Variants in CDH20 observed in about 807,000 individuals in gnomAD.
The protein encoded by CDH20 is cadherin 20.
Under a neutral mutation model 74.2 loss-of-function variants are expected in CDH20, and 29 were observed. The observed-to-expected ratio is 0.39, with a 90% CI of 0.29 to 0.53. The LOEUF (loss-of-function observed/expected upper bound fraction) is 0.53, where lower values mean the gene tolerates loss of function less well. Among genes scored for constraint, CDH20 ranks in the 20% least tolerant of loss-of-function variants. CDH20 has a pLI of 0.69. For synonymous variants in CDH20, 469 were observed against 405.4 expected (o/e 1.16, Z -1.88); for missense variants, 988 against 1,048.3 (o/e 0.94, Z 0.79).
In CDH20 at chr18:61,528,176, G is replaced by A. The variant is rs1270390698; in HGVS notation, c.1227G>A (p.Gln409=). 2 of 1,614,064 alleles carry A rather than the reference G, an allele frequency of 1.2e-6. No homozygotes were observed. The highest frequency in any genetic ancestry group is 1.1e-5 in the South Asian group (1 of 91,078). The change falls in exon 7 of 12, where the codon CAG becomes CAA. Residue 409 remains glutamine, a synonymous_variant. Transcript: ENST00000262717. ...PEDVAIGTTI[Q]IISAKDPDVT... ...ATGTGGCGATTGGAACAACCATACAGATCATTTCTGCCAAGGACCCAGATG... is the reference window on the plus strand; with the variant it reads ...ATGTGGCGATTGGAACAACCATACAAATCATTTCTGCCAAGGACCCAGATG...
Position 61,468,000 on chromosome 18 carries a change from CA to C in CDH20, c.-152-22399del, listed in dbSNP as rs376295600. Among the ~76,000 whole-genome samples the C allele has an allele frequency of 1.3e-3, 203 of 152,230 alleles. 1 individual carries two copies. Among genetic ancestry groups the C allele is most frequent in the African/African-American group, 4.6e-3 (193 of 41,530 alleles). On this transcript the variant is annotated intron_variant, in intron 1 of 11. Transcript: ENST00000262717. ...TTTTACAGGTGTGGACTCGGATGCACAAAGAGGTTAAGTACTTGCCCAAGTT... is the reference window on the plus strand; with the variant it reads ...TTTTACAGGTGTGGACTCGGATGCACAAGAGGTTAAGTACTTGCCCAAGTT...
At chr18:61,437,031 A>C (rs1342750587) in intron 1 of CDH20, among the ~76,000 whole-genome samples, 1 of 152,160 alleles carries the variant, frequency 6.6e-6, no homozygotes, top group Non-Finnish European at 1.5e-5. Context: ...CTATTCCTGG[A>C]ACATAGTAGG....
At chr18:61,355,204 C>T (rs190067889) in intron 1 of CDH20, among the ~76,000 whole-genome samples, 34 of 152,284 alleles carry the variant, frequency 2.2e-4, no homozygotes, top group African/African-American at 7.9e-4. Flanking sequence ...AAATATTTTG[C>T]TTAAGTTCAA....
intron 6 of CDH20, among the ~76,000 whole-genome samples, chr18:61,519,931 A>C (rs2144355646): frequency 7.8e-6 from 1 of 128,864 alleles, no homozygotes; most frequent in South Asian, 2.7e-4. Flanking sequence ...AGGAATATTT[A>C]CCAAGCAAAT....
At chr18:61,365,046 G>A (rs971901850) in intron 1 of CDH20, among the ~76,000 whole-genome samples, 8 of 152,098 alleles carry the variant, frequency 5.3e-5, no homozygotes, top group Non-Finnish European at 1.0e-4. Context: ...TACTTCCAAG[G>A]CATTTAACTC....
At chr18:61,498,245 TA>T in intron 2 of CDH20, among the ~76,000 whole-genome samples, 1 of 151,888 alleles carries the variant, frequency 6.6e-6, no homozygotes, top group East Asian at 1.9e-4. Context: ...ACTAAAAATA[TA>T]AAAACTAGCC....
intron 1 of CDH20, among the ~76,000 whole-genome samples, chr18:61,339,804 C>T (rs1321319464): frequency 6.7e-6 from 1 of 150,074 alleles, no homozygotes; most frequent in African/African-American, 2.4e-5. Context: ...TCTCCTGCCT[C>T]AGCCTCCCAA....
intron 9 of CDH20, among the ~76,000 whole-genome samples, chr18:61,542,777 G>A (rs1349446884): frequency 6.6e-6 from 1 of 152,182 alleles, no homozygotes; most frequent in Non-Finnish European, 1.5e-5. Context: ...CATGCATGGA[G>A]GAAGGGGGAA....
chr18:61,414,914 A>C (rs967507948), intron 1 of CDH20, among the ~76,000 whole-genome samples: 1 of 152,094 alleles, frequency 6.6e-6, no homozygotes, highest in African/African-American at 2.4e-5. Flanking sequence ...AAACATCACC[A>C]CCATCCATCT....
intron 1 of CDH20, among the ~76,000 whole-genome samples, chr18:61,421,571 C>G (rs80108664): frequency 0.027 from 4,056 of 152,178 alleles, 75 homozygotes; most frequent in Middle Eastern, 0.082. Flanking sequence ...ACCTGGTGTT[C>G]AATTGATCAG....
chr18:61,418,761 C>CA (rs1912782989), intron 1 of CDH20, among the ~76,000 whole-genome samples: 2 of 152,030 alleles, frequency 1.3e-5, no homozygotes, highest in Middle Eastern at 3.4e-3. Flanking sequence ...CATTTTTATG[C>CA]AAAAAATACA....
chr18:61,507,231 G>A (rs1467876169), intron 5 of CDH20, 142 bp from the exon 6 acceptor site: 6 of 729,436 alleles, frequency 8.2e-6, no homozygotes, highest in Non-Finnish European at 1.1e-5. Flanking sequence ...CTGGACCTTA[G>A]TTTTTATCTG....
intron 6 of CDH20, among the ~76,000 whole-genome samples, chr18:61,515,626 G>A (rs943287898): frequency 1.3e-5 from 2 of 151,244 alleles, no homozygotes; most frequent in Non-Finnish European, 2.9e-5. Flanking sequence ...CATGTCCTTT[G>A]TAGGGACATG....
At chr18:61,536,693 G>C in intron 8 of CDH20, 64 bp downstream of exon 8, 2 of 1,446,432 alleles carry the variant, frequency 1.4e-6, no homozygotes, top group Non-Finnish European at 1.9e-6. Context: ...GAAAGTGGAA[G>C]TTTCTAGAAC....
intron 1 of CDH20, among the ~76,000 whole-genome samples, chr18:61,435,206 T>A (rs905128652): frequency 1.3e-5 from 2 of 152,108 alleles, no homozygotes; most frequent in African/African-American, 4.8e-5. Flanking sequence ...GGCTCCATCA[T>A]TTACTATCTC....
At position 61,499,284 on chromosome 18, in the gene CDH20, C is replaced by T. The variant is rs533224326; in HGVS notation, c.345C>T (p.Asp115=). 256 of 1,613,974 alleles carry T rather than the reference C, an allele frequency of 1.6e-4. 5 individuals carry two copies. In the South Asian group the frequency reaches 2.0e-3, roughly 13 times the overall value. The change falls in exon 3 of 12, where the codon GAC becomes GAT. Residue 115 remains aspartate (D), a synonymous_variant. Transcript: ENST00000262717. ...IVFTIDDTTG[D]IHAIQRLDRE... is the part of the protein sequence containing the mutation. Reference sequence around the variant, plus strand: ...TTACCATCGACGACACCACTGGAGACATCCACGCCATTCAGAGGCTCGACC... The same window carrying T: ...TTACCATCGACGACACCACTGGAGATATCCACGCCATTCAGAGGCTCGACC...
chr18:61,386,613 A>G (rs536582112), intron 1 of CDH20, among the ~76,000 whole-genome samples: 3 of 152,340 alleles, frequency 2.0e-5, no homozygotes, highest in South Asian at 2.1e-4. Flanking sequence ...GATAATTTAC[A>G]TAGAAATATG....
intron 1 of CDH20, among the ~76,000 whole-genome samples, chr18:61,390,683 G>A (rs749362513): frequency 6.6e-6 from 1 of 152,118 alleles, no homozygotes; most frequent in Non-Finnish European, 1.5e-5. Context: ...AAATGTATTT[G>A]GGGATTTGGT....
In CDH20 at chr18:61,555,221, G is replaced by A. The variant is rs947406818; in HGVS notation, c.*526G>A. ...TAACCTACTTGTTCTGGGATGGATG[G>A]AATTTCCCGTAACCCTTTTGAGACA... On this transcript the variant is annotated 3_prime_UTR_variant, in exon 12 of 12. Transcript: ENST00000262717. 4 of 963,878 alleles carry A rather than the reference G, an allele frequency of 4.1e-6. No individual in the cohort carries two copies. Among genetic ancestry groups the A allele is most frequent in the Non-Finnish European group, 4.8e-6 (4 of 826,380 alleles). The allele number at this position is 963,878 out of a possible 1,614,324, so 59.7% of individuals were successfully genotyped here.
Sources: allele counts gnomAD v4.1 joint callset (sites outside exome capture counted in the v4.1 genomes callset), GRCh38; gene constraint gnomAD v4.1.1; transcripts MANE v1.5; gene names NCBI Gene and HGNC (gene_info 2026-07-23, HGNC 2026-07-21).